Variants in RSPO2 observed in about 807,000 individuals in gnomAD.
RSPO2 encodes R-spondin-2.
In RSPO2, 14 loss-of-function variants were observed where a neutral mutation model predicts 30.9. The observed-to-expected ratio is 0.45, with a 90% CI of 0.30 to 0.71. RSPO2 has a LOEUF of 0.71. Among genes scored for constraint, RSPO2 ranks in the 30% least tolerant of loss-of-function variants. RSPO2 has a pLI of 0.08. For missense variants in RSPO2, 264 were observed against 301.9 expected (o/e 0.87, Z 0.93); for synonymous variants, 107 against 96.4 (o/e 1.11, Z -0.64).
chr8:107,904,410 A>G (rs1335407091), intron 5 of RSPO2, among the ~76,000 whole-genome samples: 1 of 152,042 alleles, frequency 6.6e-6, no homozygotes, highest in Non-Finnish European at 1.5e-5. Flanking sequence ...AACATCCAAC[A>G]TATCCAATTC....
chr8:107,950,656 G>T (rs952811228), intron 5 of RSPO2, among the ~76,000 whole-genome samples: 1 of 151,108 alleles, frequency 6.6e-6, no homozygotes, highest in Non-Finnish European at 1.5e-5. Context: ...CAAGATGATA[G>T]TATTAACACA....
At position 107,972,791 on chromosome 8, in the gene RSPO2, T is replaced by G. The variant is rs559333917; in HGVS notation, c.284-11974A>C. 3.9e-5 allele frequency among the ~76,000 whole-genome samples: 6 copies of G among 152,244 alleles called. No homozygotes were observed. The East Asian group carries it at 1.2e-3, about 29-fold the overall frequency. ...TTACTAGGATGCTATTATTCCAGAGTGTGTTACATCATTTGTCTAAGCTTA... is the reference window on the plus strand; with the variant it reads ...TTACTAGGATGCTATTATTCCAGAGGGTGTTACATCATTTGTCTAAGCTTA... On this transcript the variant is annotated intron_variant, in intron 3 of 5. Transcript: ENST00000276659.
intron 3 of RSPO2, among the ~76,000 whole-genome samples, chr8:107,964,121 T>C (rs1488650871): frequency 2.6e-5 from 4 of 152,226 alleles, no homozygotes; most frequent in Admixed American, 2.0e-4. Context: ...CCTCATTTGC[T>C]CTTTGCCACT....
At chr8:108,005,148 G>A (rs993310160) in intron 2 of RSPO2, among the ~76,000 whole-genome samples, 2 of 152,070 alleles carry the variant, frequency 1.3e-5, no homozygotes, top group African/African-American at 4.8e-5. Flanking sequence ...TCATATATTT[G>A]GGGGATAATG....
At position 107,900,854 on chromosome 8, in the gene RSPO2, C is replaced by T; in HGVS notation, c.*221G>A. 2 of 465,074 alleles carry T rather than the reference C, an allele frequency of 4.3e-6. No individual in the cohort carries two copies. Among genetic ancestry groups the T allele is most frequent in the Non-Finnish European group, 3.8e-6 (1 of 263,764 alleles). The allele number at this position is 465,074 out of a possible 1,614,324, so 28.8% of individuals were successfully genotyped here. A position where few individuals can be genotyped will look rare whatever the true frequency, so the allele number is the denominator to read the frequency against. Reference sequence around the variant, plus strand: ...TCTCTCAGCACACACTGAGCCAAGTCACGGGCTGTGCACTTACTCCTGCCT... The same window carrying T: ...TCTCTCAGCACACACTGAGCCAAGTTACGGGCTGTGCACTTACTCCTGCCT... On this transcript the variant is annotated 3_prime_UTR_variant, in exon 6 of 6. Transcript: ENST00000276659.
At chr8:108,028,121 A>T (rs1157442506) in intron 2 of RSPO2, among the ~76,000 whole-genome samples, 1 of 152,138 alleles carries the variant, frequency 6.6e-6, no homozygotes, top group Non-Finnish European at 1.5e-5. Context: ...AGGATGTGAG[A>T]TCTTCACTAC....
rs147973447 is a variant in RSPO2, at chr8:107,947,626, ACT to A, written c.616+10452_616+10453del. ...CTGCTAATTCTCTCATCAGACTCAG[ACT>A]CTGTTTAATGCTCTGCCCTAAATCA... is the stretch of plus-strand genomic sequence containing the variant. On this transcript the variant is annotated intron_variant, in intron 5 of 5. Transcript: ENST00000276659. 1.1e-3 allele frequency among the ~76,000 whole-genome samples: 164 copies of A among 152,152 alleles called. 3 individuals carry two copies. The East Asian group carries it at 0.031, about 29-fold the overall frequency.
At chr8:108,082,854 C>T (rs2130744449) in intron 1 of RSPO2, 47 bp from the exon 2 acceptor site, 1 of 513,106 alleles carries the variant, frequency 1.9e-6, no homozygotes, top group Non-Finnish European at 3.4e-6. Context: ...ATGGAGAGAG[C>T]CCCGGGGAGG....
chr8:107,922,014 G>A (rs1812190182), intron 5 of RSPO2, among the ~76,000 whole-genome samples: 1 of 152,060 alleles, frequency 6.6e-6, no homozygotes, highest in Non-Finnish European at 1.5e-5. Flanking sequence ...GGCAAAAGCT[G>A]GAAGCATTCC....
At chr8:107,998,482 T>C (rs1815104954) in intron 2 of RSPO2, among the ~76,000 whole-genome samples, 1 of 152,176 alleles carries the variant, frequency 6.6e-6, no homozygotes, top group Non-Finnish European at 1.5e-5. Flanking sequence ...TATATAAAAT[T>C]ATAAATATTT....
chr8:107,941,041 C>T (rs943503588), intron 5 of RSPO2, among the ~76,000 whole-genome samples: 2 of 152,012 alleles, frequency 1.3e-5, no homozygotes, highest in African/African-American at 4.8e-5. Flanking sequence ...ATTATCACAG[C>T]TCATGGTTTT....
chr8:108,067,349 T>C (rs1563588883), intron 2 of RSPO2, among the ~76,000 whole-genome samples: 1 of 152,156 alleles, frequency 6.6e-6, no homozygotes, highest in Non-Finnish European at 1.5e-5. Flanking sequence ...ACATTGAATT[T>C]TGGAAAGAAA....
chr8:107,982,854 C>T (rs1814494862), intron 3 of RSPO2, among the ~76,000 whole-genome samples: 1 of 152,204 alleles, frequency 6.6e-6, no homozygotes, highest in Admixed American at 6.5e-5. Context: ...TCACAGCCTC[C>T]TCCACTGGCT....
intron 2 of RSPO2, among the ~76,000 whole-genome samples, chr8:108,019,535 G>A (rs189680489): frequency 3.2e-4 from 47 of 148,924 alleles, no homozygotes; most frequent in Non-Finnish European, 5.8e-4. Flanking sequence ...TCAGCCTTTC[G>A]GTCTGAGCCA....
rs1472948998 is a variant in RSPO2, at chr8:108,059,552, C to T, written c.94+22993G>A. Among the ~76,000 whole-genome samples, 7 of 150,836 alleles carry T rather than the reference C, an allele frequency of 4.6e-5. No homozygotes were observed. In the East Asian group the frequency reaches 9.7e-4, roughly 21 times the overall value. On this transcript the variant is annotated intron_variant, in intron 2 of 5. Transcript: ENST00000276659. ...ACGCTGCTATAAAGACACATGCACA[C>T]GTATGTTTATTGCGGCACTATTCAC...
At chr8:108,041,203 CAAAAAAAAAAA>C in intron 2 of RSPO2, among the ~76,000 whole-genome samples, 1 of 100,354 alleles carries the variant, frequency 1.0e-5, no homozygotes, top group Non-Finnish European at 1.9e-5. Flanking sequence ...CAAAAAGTGG[CAAAAAAAAAAA>C]AAAAAAAAAG....
intron 3 of RSPO2, among the ~76,000 whole-genome samples, chr8:107,972,273 G>T (rs756423958): frequency 6.6e-6 from 1 of 151,800 alleles, no homozygotes; most frequent in Non-Finnish European, 1.5e-5. Flanking sequence ...AGCCTCCCAA[G>T]TAGCTGGGAT....
Position 107,960,663 on chromosome 8 carries a change from A to G in RSPO2, c.427+11T>C, listed in dbSNP as rs1374399769. ...AGTTGCAGATTGAGAGTTACATTAA[A>G]AACTACTCACCCACACATTCCATGG... On this transcript the variant is annotated intron_variant, in intron 4 of 5. Coordinates refer to ENST00000276659, the MANE Select transcript of RSPO2 (RefSeq NM_178565.5). 3.1e-6 allele frequency: 5 copies of G among 1,603,682 alleles called. No homozygotes were observed. Among genetic ancestry groups the G allele is most frequent in the Non-Finnish European group, 3.4e-6 (4 of 1,177,506 alleles).
intron 3 of RSPO2, among the ~76,000 whole-genome samples, chr8:107,985,672 T>C (rs1814599165): frequency 6.6e-6 from 1 of 152,214 alleles, no homozygotes; most frequent in Non-Finnish European, 1.5e-5. Context: ...CTAAGTTTTC[T>C]ACAAGGACTA....
Sources: allele counts gnomAD v4.1 joint callset (sites outside exome capture counted in the v4.1 genomes callset), GRCh38; gene constraint gnomAD v4.1.1; transcripts MANE v1.5; gene names NCBI Gene and HGNC (gene_info 2026-07-23, HGNC 2026-07-21).